The following GNAQ variants were observed in gnomAD, a reference collection of about 807,000 sequenced individuals.
GNAQ encodes guanine nucleotide-binding protein G(q) subunit alpha.
In GNAQ, 8 loss-of-function variants were observed where a neutral mutation model predicts 43.9. The ratio of observed to expected loss-of-function variants is 0.18; its 90% confidence interval spans 0.11 to 0.33. The LOEUF is 0.33. Among genes scored for constraint, GNAQ ranks in the 10% least tolerant of loss-of-function variants. GNAQ has a pLI of 1.00. For missense variants in GNAQ, 158 were observed against 450.8 expected (o/e 0.35, Z 5.88); for synonymous variants, 155 against 170.7 (o/e 0.91, Z 0.71).
intron 1 of GNAQ, among the ~76,000 whole-genome samples, chr9:77,974,551 C>A (rs887283162): frequency 1.3e-5 from 2 of 152,136 alleles, no homozygotes; most frequent in African/African-American, 4.8e-5. Context: ...TACAATCATA[C>A]CCAATTTACA....
At chr9:77,912,707 G>T (rs1828828327) in intron 2 of GNAQ, among the ~76,000 whole-genome samples, 1 of 152,018 alleles carries the variant, frequency 6.6e-6, no homozygotes, top group South Asian at 2.1e-4. Context: ...ACAAGCCAAT[G>T]GAAAAAGGGT....
At chr9:78,029,202 C>T (rs1055489199) in intron 1 of GNAQ, among the ~76,000 whole-genome samples, 20 of 152,036 alleles carry the variant, frequency 1.3e-4, no homozygotes, top group Admixed American at 5.2e-4. Flanking sequence ...TCAGAGCTGT[C>T]ACTTTTCAGG....
intron 1 of GNAQ, among the ~76,000 whole-genome samples, chr9:77,971,832 G>T (rs1327982251): frequency 6.6e-6 from 1 of 152,176 alleles, no homozygotes; most frequent in Non-Finnish European, 1.5e-5. Flanking sequence ...CTGAGCAGTG[G>T]TTTGTAGTTC....
At chr9:77,923,206 A>G (rs1829023191) in intron 1 of GNAQ, among the ~76,000 whole-genome samples, 1 of 152,092 alleles carries the variant, frequency 6.6e-6, no homozygotes, top group Non-Finnish European at 1.5e-5. Flanking sequence ...TAGATAACAC[A>G]TATCCCCTGA....
intron 5 of GNAQ, among the ~76,000 whole-genome samples, chr9:77,772,625 A>G (rs552904077): frequency 1.3e-5 from 2 of 152,336 alleles, no homozygotes; most frequent in South Asian, 4.1e-4. Context: ...ATCAGAAGAG[A>G]GAAAGAGATT....
intron 2 of GNAQ, among the ~76,000 whole-genome samples, chr9:77,822,488 T>C (rs1827132652): frequency 6.6e-6 from 1 of 152,154 alleles, no homozygotes; most frequent in Admixed American, 6.5e-5. Flanking sequence ...TACAATCTCA[T>C]TAACCAGAGG....
intron 2 of GNAQ, among the ~76,000 whole-genome samples, chr9:77,856,310 G>C (rs1205096333): frequency 2.0e-5 from 3 of 152,030 alleles, no homozygotes; most frequent in Admixed American, 6.6e-5. Context: ...CCCAGAGCAG[G>C]GGAGATGAAC....
chr9:77,848,377 G>A (rs1827619667), intron 2 of GNAQ, among the ~76,000 whole-genome samples: 3 of 152,162 alleles, frequency 2.0e-5, no homozygotes, highest in African/African-American at 7.2e-5. Context: ...TTCACATGTC[G>A]GAATTCAAAC....
chr9:77,938,813 G>A (rs1167215495), intron 1 of GNAQ, among the ~76,000 whole-genome samples: 1 of 152,194 alleles, frequency 6.6e-6, no homozygotes, highest in African/African-American at 2.4e-5. Flanking sequence ...GCGCGATTCT[G>A]GAAAGCTTCT....
At chr9:77,847,918 C>G (rs1827612987) in intron 2 of GNAQ, among the ~76,000 whole-genome samples, 3 of 152,194 alleles carry the variant, frequency 2.0e-5, no homozygotes, top group South Asian at 2.1e-4. Flanking sequence ...CACAAAGGCA[C>G]TCTATGGTAG....
At chr9:77,810,209 T>TCTATCTATCTAA (rs1554717675) in intron 3 of GNAQ, among the ~76,000 whole-genome samples, 2 of 4,340 alleles carry the variant, frequency 4.6e-4, no homozygotes, top group African/African-American at 2.2e-3. Context: ...CTGTCAATCA[T>TCTATCTATCTAA]CTATCTATCT....
At chr9:77,829,665 T>G (rs1336361554) in intron 2 of GNAQ, among the ~76,000 whole-genome samples, 10 of 152,186 alleles carry the variant, frequency 6.6e-5, no homozygotes, top group Non-Finnish European at 1.0e-4. Context: ...AGGGCTGATG[T>G]AGCTCTTGGA....
chr9:77,777,149 TA>T (rs1294724418), intron 5 of GNAQ, among the ~76,000 whole-genome samples: 1 of 152,124 alleles, frequency 6.6e-6, no homozygotes, highest in African/African-American at 2.4e-5. Flanking sequence ...AGTCTTATAG[TA>T]AATGGTTCTG....
chr9:77,791,486 T>C (rs1256810743), intron 5 of GNAQ, among the ~76,000 whole-genome samples: 1 of 152,016 alleles, frequency 6.6e-6, no homozygotes, highest in Non-Finnish European at 1.5e-5. Context: ...CACACATCAA[T>C]AAGACAGTAA....
At chr9:78,013,947 A>G (rs752328124) in intron 1 of GNAQ, among the ~76,000 whole-genome samples, 3 of 152,186 alleles carry the variant, frequency 2.0e-5, no homozygotes, top group Non-Finnish European at 4.4e-5. Flanking sequence ...GATCCTTGGT[A>G]TAGGTGAAAA....
intron 1 of GNAQ, among the ~76,000 whole-genome samples, chr9:77,942,299 A>C (rs1043139269): frequency 6.6e-6 from 1 of 152,196 alleles, no homozygotes; most frequent in Non-Finnish European, 1.5e-5. Flanking sequence ...CTGAGATAAA[A>C]TATACAAGAA....
chr9:77,744,342 TG>T (rs1825698239), intron 5 of GNAQ, among the ~76,000 whole-genome samples: 1 of 152,226 alleles, frequency 6.6e-6, no homozygotes, highest in African/African-American at 2.4e-5. Flanking sequence ...TGCCTTCATT[TG>T]ATGAAGGCAG....
chr9:77,871,908 A>G (rs763110640), intron 2 of GNAQ, among the ~76,000 whole-genome samples: 13 of 152,210 alleles, frequency 8.5e-5, no homozygotes, highest in Non-Finnish European at 1.5e-5. Context: ...ACCACATGAA[A>G]GGGCATAAGG....
At chr9:77,896,860 T>G (rs1828512462) in intron 2 of GNAQ, among the ~76,000 whole-genome samples, 1 of 152,260 alleles carries the variant, frequency 6.6e-6, no homozygotes, top group Admixed American at 6.5e-5. Flanking sequence ...GGCTGACACC[T>G]TCTAGCTTCA....
Sources: allele counts gnomAD v4.1 joint callset (sites outside exome capture counted in the v4.1 genomes callset), GRCh38; gene constraint gnomAD v4.1.1; transcripts MANE v1.5; gene names NCBI Gene and HGNC (gene_info 2026-07-23, HGNC 2026-07-21).